Variants in FGF12 observed in about 807,000 individuals in gnomAD.
FGF12 encodes the protein fibroblast growth factor 12B.
Under a neutral mutation model 23.6 loss-of-function variants are expected in FGF12, and 14 were observed. The observed-to-expected ratio is 0.59, with a 90% CI of 0.39 to 0.93. The LOEUF (loss-of-function observed/expected upper bound fraction) is 0.93. FGF12 is among the 40% of genes least tolerant of loss of function. The pLI, the probability that FGF12 is intolerant of heterozygous loss-of-function variation, is 0.00. For synonymous variants in FGF12, 62 were observed against 77.3 expected, an observed-to-expected ratio of 0.80 and a Z score of 1.04; for missense variants, 175 against 217.8, an observed-to-expected ratio of 0.80 and a Z score of 1.24.
At chr3:192,622,209 C>T (rs1478020990) in intron 2 of FGF12, among the ~76,000 whole-genome samples, 1 of 152,144 alleles carries the variant, frequency 6.6e-6, no homozygotes, top group Non-Finnish European at 1.5e-5. Flanking sequence ...AACTGAGAGA[C>T]AGGAAGGCTA....
intron 4 of FGF12, among the ~76,000 whole-genome samples, chr3:192,326,117 T>A (rs939955535): frequency 2.6e-5 from 4 of 152,174 alleles, no homozygotes; most frequent in African/African-American, 9.6e-5. Context: ...TTCAGTGCCA[T>A]GAGAGATATT....
intron 2 of FGF12, among the ~76,000 whole-genome samples, chr3:192,486,622 G>C (rs1367829388): frequency 6.6e-6 from 1 of 152,132 alleles, no homozygotes; most frequent in Non-Finnish European, 1.5e-5. Flanking sequence ...CATGAGACAA[G>C]GTCACAGAGG....
chr3:192,565,412 G>A (rs1014358968), intron 2 of FGF12, among the ~76,000 whole-genome samples: 5 of 152,184 alleles, frequency 3.3e-5, no homozygotes, highest in African/African-American at 1.2e-4. Flanking sequence ...CAGAAATAAA[G>A]TTACACATGG....
chr3:192,469,626 CTA>C (rs1185867448), intron 2 of FGF12, among the ~76,000 whole-genome samples: 1 of 152,150 alleles, frequency 6.6e-6, no homozygotes, highest in Non-Finnish European at 1.5e-5. Context: ...TTAAGTAGCT[CTA>C]TGTTTTATGA....
chr3:192,702,790 T>C (rs960117123), intron 2 of FGF12, among the ~76,000 whole-genome samples: 9 of 152,170 alleles, frequency 5.9e-5, no homozygotes, highest in African/African-American at 1.9e-4. Flanking sequence ...AGGGCAAGAC[T>C]CTGTTAAAAA....
At chr3:192,479,769 C>T (rs1462337765) in intron 2 of FGF12, among the ~76,000 whole-genome samples, 1 of 152,160 alleles carries the variant, frequency 6.6e-6, no homozygotes, top group Non-Finnish European at 1.5e-5. Context: ...ATTTAAGTTG[C>T]ATTTCCCATC....
chr3:192,630,968 C>A (rs1715371690), intron 2 of FGF12, among the ~76,000 whole-genome samples: 1 of 152,118 alleles, frequency 6.6e-6, no homozygotes, highest in South Asian at 2.1e-4. Context: ...CATCTGCAGG[C>A]ACTTCCAATT....
At chr3:192,202,395 A>C (rs1437029742) in intron 4 of FGF12, among the ~76,000 whole-genome samples, 1 of 152,046 alleles carries the variant, frequency 6.6e-6, no homozygotes, top group African/African-American at 2.4e-5. Flanking sequence ...GCCACAGATA[A>C]CTGCCCAAGA....
chr3:192,719,022 G>A (rs1718951486), intron 2 of FGF12, among the ~76,000 whole-genome samples: 1 of 151,816 alleles, frequency 6.6e-6, no homozygotes. Flanking sequence ...TTAGTACACT[G>A]AGGTTCATCC....
chr3:192,441,455 T>C (rs1248351155), intron 2 of FGF12, among the ~76,000 whole-genome samples: 1 of 152,188 alleles, frequency 6.6e-6, no homozygotes, highest in African/African-American at 2.4e-5. Flanking sequence ...CTCAGTTTCC[T>C]TCCCTGTAAC....
At chr3:192,596,102 T>TATAAC (rs1261633464) in intron 2 of FGF12, among the ~76,000 whole-genome samples, 6 of 142,628 alleles carry the variant, frequency 4.2e-5, no homozygotes, top group African/African-American at 1.5e-4. Context: ...AAAAATATAA[T>TATAAC]ATAATATAAT....
At chr3:192,300,007 G>C (rs953431034) in intron 4 of FGF12, among the ~76,000 whole-genome samples, 1 of 152,160 alleles carries the variant, frequency 6.6e-6, no homozygotes, top group South Asian at 2.1e-4. Flanking sequence ...CTCATGTGAT[G>C]CTCCACCTGT....
At chr3:192,582,008 G>C (rs1713176915) in intron 2 of FGF12, among the ~76,000 whole-genome samples, 1 of 152,126 alleles carries the variant, frequency 6.6e-6, no homozygotes, top group Non-Finnish European at 1.5e-5. Flanking sequence ...TTCAGGATTT[G>C]TGGGAAAATA....
intron 4 of FGF12, among the ~76,000 whole-genome samples, chr3:192,321,077 C>A (rs528143617): frequency 6.6e-6 from 1 of 151,890 alleles, no homozygotes; most frequent in South Asian, 2.1e-4. Flanking sequence ...CAATGAACAA[C>A]AAAAGAGAGA....
chr3:192,544,596 A>G (rs556633107), intron 2 of FGF12, among the ~76,000 whole-genome samples: 1 of 152,338 alleles, frequency 6.6e-6, no homozygotes, highest in East Asian at 1.9e-4. Flanking sequence ...AGTTATCCAA[A>G]AGAGCTATTT....
intron 2 of FGF12, among the ~76,000 whole-genome samples, chr3:192,605,316 G>A (rs1172320668): frequency 1.3e-5 from 2 of 151,610 alleles, no homozygotes; most frequent in Non-Finnish European, 2.9e-5. Context: ...GGGAGGTGGA[G>A]GTTGCAGTGA....
intron 2 of FGF12, among the ~76,000 whole-genome samples, chr3:192,493,428 G>A (rs1723857511): frequency 6.6e-6 from 1 of 152,114 alleles, no homozygotes; most frequent in South Asian, 2.1e-4. Flanking sequence ...CCAAGTCTAT[G>A]TGCTAAGGGT....
chr3:192,408,503 C>G lies in FGF12; in HGVS notation c.14-47965G>C. ...GTCCCAGGCCCTCTTGCGAAGTAGA[C>G]GTTTGCACCCCAAACTTGCACCCCA... On this transcript the variant is annotated intron_variant, in intron 2 of 5. Transcript: ENST00000445105. This position sits in a 1 kb window ranked among gnomAD's most constrained non-coding sequence, Gnocchi z 7.3. 1 of 1,257,866 alleles carries G rather than the reference C, an allele frequency of 7.9e-7. No homozygotes were observed. The highest frequency in any genetic ancestry group is 1.0e-6 in the Non-Finnish European group (1 of 1,000,232). 77.9% of individuals were successfully genotyped at this position (1,257,866 alleles called of 1,614,324 possible).
intron 2 of FGF12, among the ~76,000 whole-genome samples, chr3:192,497,228 A>T (rs1723984866): frequency 6.6e-6 from 1 of 152,154 alleles, no homozygotes; most frequent in Admixed American, 6.5e-5. Flanking sequence ...GTTGCTCAGG[A>T]CTGATTACTT....
Sources: gnomAD v4.1 joint callset for allele counts (sites outside exome capture counted in the v4.1 genomes callset) on GRCh38, gnomAD v4.1.1 for gene constraint, Gnocchi (gnomAD v3.1) non-coding constraint, MANE v1.5 for transcripts, NCBI Gene and HGNC (gene_info 2026-07-23, HGNC 2026-07-21) for gene names.